The following AMPH variants were observed in gnomAD, a reference collection of about 807,000 sequenced individuals.
AMPH encodes the protein amphiphysin (Stiff-Mann syndrome with breast cancer 128kD autoantigen).
AMPH carries 49 observed loss-of-function variants against 99.1 expected under a neutral mutation model. The observed-to-expected ratio is 0.49, with a 90% CI of 0.39 to 0.63. The LOEUF (loss-of-function observed/expected upper bound fraction) is 0.63, where lower values mean the gene tolerates loss of function less well. Among genes scored for constraint, AMPH ranks in the 20% least tolerant of loss-of-function variants. The pLI, the probability that AMPH is intolerant of heterozygous loss-of-function variation, is 0.00. For synonymous variants in AMPH, 314 were observed against 317.3 expected (o/e 0.99, Z 0.11); for missense variants, 759 against 863.4 (o/e 0.88, Z 1.52).
intron 17 of AMPH, among the ~76,000 whole-genome samples, chr7:38,399,679 T>C (rs1784787355): frequency 6.6e-6 from 1 of 152,240 alleles, no homozygotes; most frequent in African/African-American, 2.4e-5. Flanking sequence ...CAATGATAAA[T>C]GACTACCATT....
intron 1 of AMPH, among the ~76,000 whole-genome samples, chr7:38,602,413 G>A (rs1003965463): frequency 3.3e-5 from 5 of 152,332 alleles, no homozygotes; most frequent in African/African-American, 1.2e-4. Context: ...CGAGCTGTCG[G>A]CAGGGCTGTG....
chr7:38,458,732 T>C (rs1787326828), intron 11 of AMPH, among the ~76,000 whole-genome samples: 1 of 152,100 alleles, frequency 6.6e-6, no homozygotes, highest in African/African-American at 2.4e-5. Context: ...AGGCCATATA[T>C]GACAAAAGCA....
intron 1 of AMPH, among the ~76,000 whole-genome samples, chr7:38,624,792 C>T (rs1794188592): frequency 6.6e-6 from 1 of 152,008 alleles, no homozygotes; most frequent in Non-Finnish European, 1.5e-5. Context: ...ATTCCAAAGC[C>T]CAACTAAGGC....
At chr7:38,424,854 G>A (rs537434317) in intron 15 of AMPH, among the ~76,000 whole-genome samples, 2 of 152,238 alleles carry the variant, frequency 1.3e-5, no homozygotes, top group Non-Finnish European at 2.9e-5. Context: ...GAGGTAGGAG[G>A]AGGGAGATAG....
chr7:38,462,106 T>C (rs1787472229), intron 10 of AMPH, among the ~76,000 whole-genome samples: 1 of 152,232 alleles, frequency 6.6e-6, no homozygotes, highest in Non-Finnish European at 1.5e-5. Flanking sequence ...ACTGCTATTA[T>C]GTTCTACAGT....
At chr7:38,617,744 T>C (rs989987363) in intron 1 of AMPH, among the ~76,000 whole-genome samples, 5 of 152,198 alleles carry the variant, frequency 3.3e-5, no homozygotes, top group Admixed American at 6.5e-5. Flanking sequence ...ACAGATCTTT[T>C]TGAAAACCTG....
At chr7:38,607,531 A>G (rs554331077) in intron 1 of AMPH, among the ~76,000 whole-genome samples, 1 of 152,328 alleles carries the variant, frequency 6.6e-6, no homozygotes, top group East Asian at 1.9e-4. Flanking sequence ...AGGGTGACAG[A>G]CCCCTTCAGG....
Position 38,535,041 on chromosome 7 carries a change from A to G in AMPH, c.70-30T>C, listed in dbSNP as rs754710685. 4 of 1,578,914 alleles carry G rather than the reference A, an allele frequency of 2.5e-6. No homozygotes were observed. In the East Asian group the frequency reaches 9.0e-5, roughly 35 times the overall value. ...TTTGCAAATAAAACAAAATGGTTTA[A>G]TTTAATAATGTTTTCAAAGAAAGAT... On this transcript the variant is annotated intron_variant, in intron 1 of 20. Coordinates refer to ENST00000356264, the MANE Select transcript of AMPH (RefSeq NM_001635.4).
chr7:38,532,663 T>C (rs1260908943), intron 2 of AMPH, among the ~76,000 whole-genome samples: 2 of 151,956 alleles, frequency 1.3e-5, no homozygotes, highest in African/African-American at 4.8e-5. Context: ...ATGTAGTTGA[T>C]GATTTAATCA....
chr7:38,508,314 T>C (rs17410710), intron 2 of AMPH, among the ~76,000 whole-genome samples: 36,362 of 152,138 alleles, frequency 0.24, 4,715 homozygotes, highest in Non-Finnish European at 0.3. Flanking sequence ...ATTATTAAGG[T>C]TAAGCAGGTC....
At chr7:38,548,908 T>G (rs1791086264) in intron 1 of AMPH, among the ~76,000 whole-genome samples, 2 of 152,228 alleles carry the variant, frequency 1.3e-5, no homozygotes, top group Admixed American at 1.3e-4. Context: ...CCATGTTGTC[T>G]GCTTTTTCAC....
At chr7:38,486,271 C>A in intron 5 of AMPH, among the ~76,000 whole-genome samples, 1 of 149,126 alleles carries the variant, frequency 6.7e-6, no homozygotes, top group Admixed American at 6.7e-5. Flanking sequence ...ACAACTGATG[C>A]CATAGAAATA....
chr7:38,470,812 A>C (rs569275379), intron 7 of AMPH, among the ~76,000 whole-genome samples: 2 of 152,274 alleles, frequency 1.3e-5, no homozygotes, highest in South Asian at 4.1e-4. Flanking sequence ...CAATCTTCCC[A>C]AAATTTCCTT....
In AMPH at chr7:38,463,058, G is replaced by A. The variant is rs767876446; in HGVS notation, c.805C>T (p.Pro269Ser). ...KTPSPPEEPS[P>S]LPSPTASPNH... The stretch of plus-strand genomic sequence containing the variant: ...GGACTTGCTGTCGGGCTCGGGAGGG[G>A]TGAAGGCTCCTCAGGCGGTGATGGT... Residue 269 changes from proline to serine, a missense_variant, in exon 10 of 21, where the codon CCC becomes TCC. By Grantham distance (74) the Pro-to-Ser change is moderately conservative. Coordinates refer to ENST00000356264, the MANE Select transcript of AMPH (RefSeq NM_001635.4). 9 of 1,612,420 alleles carry A rather than the reference G, an allele frequency of 5.6e-6. No individual in the cohort carries two copies. Among genetic ancestry groups the A allele is most frequent in the South Asian group, 5.5e-5 (5 of 90,914 alleles).
intron 2 of AMPH, among the ~76,000 whole-genome samples, chr7:38,510,064 G>A (rs912130838): frequency 6.6e-6 from 1 of 152,160 alleles, no homozygotes; most frequent in African/African-American, 2.4e-5. Context: ...TATGATGTCT[G>A]TATTAGTTTG....
At chr7:38,541,016 TTAA>T (rs1479713894) in intron 1 of AMPH, among the ~76,000 whole-genome samples, 37 of 52,038 alleles carry the variant, frequency 7.1e-4, no homozygotes, top group Non-Finnish European at 1.3e-3. Flanking sequence ...CTTTCTGTTC[TTAA>T]AAAAAAAAAA....
At chr7:38,527,839 A>G (rs187397699) in intron 2 of AMPH, among the ~76,000 whole-genome samples, 1 of 152,296 alleles carries the variant, frequency 6.6e-6, no homozygotes, top group African/African-American at 2.4e-5. Flanking sequence ...AAAAGCATTC[A>G]GTCTGTTACC....
intron 11 of AMPH, among the ~76,000 whole-genome samples, chr7:38,454,107 C>T (rs1319882735): frequency 6.6e-6 from 1 of 152,142 alleles, no homozygotes; most frequent in East Asian, 1.9e-4. Flanking sequence ...ACATCTCAAG[C>T]CCCAGTTAAT....
chr7:38,413,600 T>C (rs909253191), intron 17 of AMPH, among the ~76,000 whole-genome samples: 4 of 152,160 alleles, frequency 2.6e-5, no homozygotes, highest in Non-Finnish European at 5.9e-5. Flanking sequence ...TATTTGCTAA[T>C]GGGAATACAA....
Sources: gnomAD v4.1 joint callset for allele counts (sites outside exome capture counted in the v4.1 genomes callset) on GRCh38, gnomAD v4.1.1 for gene constraint, MANE v1.5 for transcripts, NCBI Gene and HGNC (gene_info 2026-07-23, HGNC 2026-07-21) for gene names.